Variants in GNA14 observed in about 807,000 individuals in gnomAD.
GNA14 encodes guanine nucleotide-binding protein subunit alpha-14.
In GNA14, 50 loss-of-function variants were observed where a neutral mutation model predicts 42.0. That is an observed-to-expected ratio of 1.19 (90% CI 0.95 to 1.51). The LOEUF is 1.51. Ranked by LOEUF, GNA14 falls within the 40% of genes most tolerant of loss-of-function variation. The probability of loss-of-function intolerance (pLI) is 0.00; values close to 1 mark genes in which losing one functional copy is unlikely to be tolerated. For missense variants in GNA14, 473 were observed against 446.2 expected (o/e 1.06, Z -0.54); for synonymous variants, 173 against 163.1 (o/e 1.06, Z -0.46).
intron 1 of GNA14, among the ~76,000 whole-genome samples, chr9:77,583,872 G>A (rs925923601): frequency 3.3e-5 from 5 of 152,146 alleles, no homozygotes; most frequent in African/African-American, 1.2e-4. Context: ...TGCTGGAGTA[G>A]CAAGGTCCTA....
chr9:77,491,319 T>C (rs955678068), intron 2 of GNA14, among the ~76,000 whole-genome samples: 2 of 152,238 alleles, frequency 1.3e-5, no homozygotes, highest in South Asian at 4.1e-4. Context: ...AATAATACTG[T>C]AGTTGTGGTG....
At chr9:77,527,308 A>G (rs1156366690) in intron 2 of GNA14, among the ~76,000 whole-genome samples, 1 of 152,214 alleles carries the variant, frequency 6.6e-6, no homozygotes. Context: ...TAAAGGAATC[A>G]TCTCAGTCAC....
At chr9:77,539,551 T>A (rs1444060785) in intron 1 of GNA14, among the ~76,000 whole-genome samples, 1 of 152,236 alleles carries the variant, frequency 6.6e-6, no homozygotes, top group Non-Finnish European at 1.5e-5. Context: ...TCCCTCCTCT[T>A]CAATCTTTTG....
At chr9:77,460,181 G>A (rs547743957) in intron 2 of GNA14, among the ~76,000 whole-genome samples, 9 of 152,300 alleles carry the variant, frequency 5.9e-5, no homozygotes, top group Admixed American at 1.3e-4. Flanking sequence ...ATTGAAGTAC[G>A]GATTGAGATG....
At chr9:77,510,072 T>A (rs528007684) in intron 2 of GNA14, among the ~76,000 whole-genome samples, 1 of 152,328 alleles carries the variant, frequency 6.6e-6, no homozygotes, top group East Asian at 1.9e-4. Context: ...TTAGAGCATT[T>A]TCAATCATCC....
rs150839267 is a variant in GNA14 at position 77,517,179 on chromosome 9, C to T, written c.309+11890G>A. On this transcript the variant is annotated intron_variant, in intron 2 of 6. Coordinates refer to ENST00000341700, the MANE Select transcript of GNA14 (RefSeq NM_004297.4). ...ATTCTTCCTCATCTTCCTGCCCTTC[C>T]GACCTGAGCTCTCTGTGAGGACTTT... 6.2e-3 allele frequency among the ~76,000 whole-genome samples: 945 copies of T among 152,300 alleles called. 7 individuals carry two copies. In the Middle Eastern group the frequency reaches 0.065, roughly 10 times the overall value.
intron 1 of GNA14, among the ~76,000 whole-genome samples, chr9:77,572,412 C>G (rs1489190421): frequency 6.6e-6 from 1 of 152,042 alleles, no homozygotes; most frequent in Non-Finnish European, 1.5e-5. Flanking sequence ...TCTTTTTTCT[C>G]CTTTCTTTCA....
chr9:77,482,769 T>C (rs1186548551), intron 2 of GNA14, among the ~76,000 whole-genome samples: 1 of 152,194 alleles, frequency 6.6e-6, no homozygotes, highest in Admixed American at 6.5e-5. Flanking sequence ...TATTCTTTTT[T>C]CTCTAAACTT....
At chr9:77,541,434 A>T (rs1398497644) in intron 1 of GNA14, among the ~76,000 whole-genome samples, 1 of 152,022 alleles carries the variant, frequency 6.6e-6, no homozygotes, top group Non-Finnish European at 1.5e-5. Flanking sequence ...TTTATAGGTG[A>T]CTATAAACTT....
chr9:77,633,799 A>G (rs894482356), intron 1 of GNA14, among the ~76,000 whole-genome samples: 14 of 152,180 alleles, frequency 9.2e-5, no homozygotes, highest in Admixed American at 7.9e-4. Flanking sequence ...CACTCTGGCC[A>G]GTCAATCTTG....
intron 1 of GNA14, among the ~76,000 whole-genome samples, chr9:77,598,013 T>C (rs1823494970): frequency 6.6e-6 from 1 of 152,160 alleles, no homozygotes; most frequent in Admixed American, 6.5e-5. Flanking sequence ...CATTCCAGCC[T>C]GGGCAACAGA....
At position 77,558,922 on chromosome 9, in the gene GNA14, CAAA is replaced by C. The variant is rs1179710604; in HGVS notation, c.125-29672_125-29670del. ...ATTACTGAAAAAAGGTGTTAAAAAA[CAAA>C]AAACAAAAAAAAAAACAAAAAACAA... On this transcript the variant is annotated intron_variant, in intron 1 of 6. Transcript: ENST00000341700. 2.2e-4 allele frequency among the ~76,000 whole-genome samples: 27 copies of C among 121,124 alleles called. 1 individual carries two copies. The highest frequency in any genetic ancestry group is 2.0e-3 in the East Asian group (9 of 4,558). The allele number at this position is 121,124 out of a possible 152,430, so 79.5% of individuals were successfully genotyped here.
chr9:77,508,165 C>A (rs1837100858), intron 2 of GNA14, among the ~76,000 whole-genome samples: 1 of 152,198 alleles, frequency 6.6e-6, no homozygotes, highest in East Asian at 1.9e-4. Flanking sequence ...ACTACTTCCA[C>A]CATTGCCTCA....
At chr9:77,601,250 T>G (rs1403262947) in intron 1 of GNA14, among the ~76,000 whole-genome samples, 1 of 152,300 alleles carries the variant, frequency 6.6e-6, no homozygotes, top group Non-Finnish European at 1.5e-5. Flanking sequence ...CTTCAATGTG[T>G]CTGTGTGCCT....
At chr9:77,450,020 G>A (rs1835879306) in intron 2 of GNA14, among the ~76,000 whole-genome samples, 1 of 152,184 alleles carries the variant, frequency 6.6e-6, no homozygotes, top group Admixed American at 6.5e-5. Flanking sequence ...CAGACTGGAA[G>A]CTGGACCTGG....
intron 2 of GNA14, among the ~76,000 whole-genome samples, chr9:77,483,863 G>A (rs1015767687): frequency 3.3e-5 from 5 of 151,860 alleles, no homozygotes; most frequent in Admixed American, 1.3e-4. Context: ...AATATATAAG[G>A]AATGTAGAAT....
intron 1 of GNA14, among the ~76,000 whole-genome samples, chr9:77,565,226 G>A (rs1822948094): frequency 6.6e-6 from 1 of 152,112 alleles, no homozygotes; most frequent in Non-Finnish European, 1.5e-5. Context: ...CAGTATAGTA[G>A]CCACCAGCTA....
chr9:77,445,570 A>AAAAG (rs1208727181), intron 2 of GNA14, among the ~76,000 whole-genome samples: 20 of 151,280 alleles, frequency 1.3e-4, no homozygotes, highest in South Asian at 4.2e-4. Context: ...AAAAAAAAAA[A>AAAAG]AAAGAAAGGA....
chr9:77,566,401 C>T (rs12340293), intron 1 of GNA14, among the ~76,000 whole-genome samples: 16,915 of 151,862 alleles, frequency 0.11, 1,209 homozygotes, highest in African/African-American at 0.2. Context: ...GTGATCTGCC[C>T]GCCTCAGCCT....
Sources: allele counts gnomAD v4.1 joint callset (sites outside exome capture counted in the v4.1 genomes callset), GRCh38; gene constraint gnomAD v4.1.1; transcripts MANE v1.5; gene names NCBI Gene and HGNC (gene_info 2026-07-23, HGNC 2026-07-21).